The following COX7B2 variants were observed in gnomAD, a reference collection of about 807,000 sequenced individuals.
COX7B2 encodes the protein cytochrome c oxidase subunit 7B2, mitochondrial.
For synonymous variants in COX7B2, 37 were observed against 32.1 expected (o/e 1.15, Z -0.51); for missense variants, 109 against 95.9 (o/e 1.14, Z -0.57).
intron 1 of COX7B2, among the ~76,000 whole-genome samples, chr4:46,890,831 A>G (rs1273991690): frequency 6.6e-6 from 1 of 152,198 alleles, no homozygotes; most frequent in African/African-American, 2.4e-5. Context: ...AGGATTTTGG[A>G]TTTTATTCAG....
intron 1 of COX7B2, among the ~76,000 whole-genome samples, chr4:46,908,341 A>G (rs1720532386): frequency 6.6e-6 from 1 of 152,150 alleles, no homozygotes; most frequent in African/African-American, 2.4e-5. Context: ...GCCAAGCAGC[A>G]ATAATCACGT....
At chr4:46,848,729 AT>A (rs1716462117) in intron 1 of COX7B2, among the ~76,000 whole-genome samples, 2 of 152,012 alleles carry the variant, frequency 1.3e-5, no homozygotes, top group Non-Finnish European at 2.9e-5. Flanking sequence ...AATACACTTT[AT>A]CTATGTATAT....
chr4:46,759,088 A>G (rs917227999), intron 2 of COX7B2, among the ~76,000 whole-genome samples: 5 of 152,106 alleles, frequency 3.3e-5, no homozygotes, highest in Non-Finnish European at 7.4e-5. Flanking sequence ...GTTTGCAGAG[A>G]TTCTAGACCC....
rs879697478 is a variant in COX7B2, at chr4:46,785,375, AT to A, written c.-49-50135del. ...GAATTCCACAAAATCTGATAGAGCA[AT>A]TTTTTTTTTTTTTTTGAGACGGAGT... On this transcript the variant is annotated intron_variant, in intron 2 of 2. Transcript: ENST00000355591. Among the ~76,000 whole-genome samples, 1,292 of 143,474 alleles carry A rather than the reference AT, an allele frequency of 9.0e-3. 9 individuals are homozygous for A. The highest frequency in any genetic ancestry group is 0.025 in the African/African-American group (995 of 39,322). 94.1% of individuals were successfully genotyped at this position (143,474 alleles called of 152,430 possible).
chr4:46,902,564 A>G (rs1720135758), intron 1 of COX7B2, among the ~76,000 whole-genome samples: 1 of 152,204 alleles, frequency 6.6e-6, no homozygotes, highest in Admixed American at 6.5e-5. Flanking sequence ...ACCATCTATG[A>G]CTTTAGGTAT....
chr4:46,904,119 A>G (rs1720233154), intron 1 of COX7B2: 1 of 152,222 alleles, frequency 6.6e-6, no homozygotes, highest in Non-Finnish European at 1.5e-5. Context: ...ATATGAAACC[A>G]TGAAGTACTA....
chr4:46,758,905 C>A (rs1047354863), intron 2 of COX7B2, among the ~76,000 whole-genome samples: 11 of 152,058 alleles, frequency 7.2e-5, no homozygotes, highest in African/African-American at 2.7e-4. Flanking sequence ...CCATAAATAA[C>A]CCACTTTGCA....
At chr4:46,774,124 G>A (rs756855955) in intron 2 of COX7B2, among the ~76,000 whole-genome samples, 6 of 152,228 alleles carry the variant, frequency 3.9e-5, no homozygotes, top group Non-Finnish European at 7.4e-5. Flanking sequence ...TCACGCTTTT[G>A]ATATTTTCAA....
intron 1 of COX7B2, among the ~76,000 whole-genome samples, chr4:46,861,409 A>G (rs961666274): frequency 1.3e-5 from 2 of 152,204 alleles, no homozygotes; most frequent in African/African-American, 4.8e-5. Context: ...CTAGACTTAG[A>G]TAAACCTCTG....
At chr4:46,800,368 A>G (rs1718590338) in intron 2 of COX7B2, among the ~76,000 whole-genome samples, 1 of 152,202 alleles carries the variant, frequency 6.6e-6, no homozygotes, top group Non-Finnish European at 1.5e-5. Context: ...ACTTTATACT[A>G]CAAGGCTACA....
intron 2 of COX7B2, among the ~76,000 whole-genome samples, chr4:46,820,626 G>C (rs1577607606): frequency 2.6e-5 from 4 of 151,886 alleles, no homozygotes; most frequent in Admixed American, 2.6e-4. Context: ...TCAGGAGTTC[G>C]AGACCAGCCT....
chr4:46,766,366 T>C (rs1282080762), intron 2 of COX7B2, among the ~76,000 whole-genome samples: 1 of 152,144 alleles, frequency 6.6e-6, no homozygotes, highest in Admixed American at 6.5e-5. Context: ...TCAAAAGGTG[T>C]ACAGTGTGAC....
intron 2 of COX7B2, among the ~76,000 whole-genome samples, chr4:46,827,696 G>A (rs1714790697): frequency 6.6e-6 from 1 of 152,106 alleles, no homozygotes; most frequent in East Asian, 1.9e-4. Context: ...TAACAAGCTG[G>A]ATATACAGGA....
At chr4:46,842,183 C>A (rs74600796) in intron 2 of COX7B2, among the ~76,000 whole-genome samples, 3,712 of 152,022 alleles carry the variant, frequency 0.024, 138 homozygotes, top group African/African-American at 0.085. Flanking sequence ...CCTGGTTTGA[C>A]AAAACTTCAT....
chr4:46,829,565 A>T (rs552970245), intron 2 of COX7B2, among the ~76,000 whole-genome samples: 14 of 152,200 alleles, frequency 9.2e-5, no homozygotes, highest in Admixed American at 1.3e-4. Flanking sequence ...GCTATAATTA[A>T]AGCAATGTGT....
chr4:46,787,380 GA>G (rs753863811), intron 2 of COX7B2, among the ~76,000 whole-genome samples: 26 of 151,952 alleles, frequency 1.7e-4, no homozygotes, highest in Non-Finnish European at 3.4e-4. Context: ...CCGGGAGGCA[GA>G]AGTTGCAATG....
chr4:46,755,087 C>G (rs551744905), intron 2 of COX7B2, among the ~76,000 whole-genome samples: 2 of 151,702 alleles, frequency 1.3e-5, no homozygotes, highest in African/African-American at 2.4e-5. Flanking sequence ...AAATGATACA[C>G]AATATTAAGG....
chr4:46,774,195 T>C (rs1717034141), intron 2 of COX7B2, among the ~76,000 whole-genome samples: 1 of 152,172 alleles, frequency 6.6e-6, no homozygotes, highest in Admixed American at 6.5e-5. Flanking sequence ...AGTTTGCAAG[T>C]GTTTATCTTA....
intron 2 of COX7B2, among the ~76,000 whole-genome samples, chr4:46,784,255 G>T (rs1253278741): frequency 6.6e-6 from 1 of 152,076 alleles, no homozygotes; most frequent in Non-Finnish European, 1.5e-5. Context: ...ATACTATTTT[G>T]TAAAATAATA....
Sources: gnomAD v4.1 joint callset for allele counts (sites outside exome capture counted in the v4.1 genomes callset) on GRCh38, gnomAD v4.1.1 for gene constraint, MANE v1.5 for transcripts, NCBI Gene and HGNC (gene_info 2026-07-23, HGNC 2026-07-21) for gene names.